MACROD1: variants seen among roughly 807,000 people sequenced by gnomAD.
The protein encoded by MACROD1 is mono-ADP ribosylhydrolase 1, also known as ADP-ribose glycohydrolase MACROD1.
MACROD1 carries 31 observed loss-of-function variants against 41.4 expected under a neutral mutation model. That is an observed-to-expected ratio of 0.75 (90% CI 0.56 to 1.01). MACROD1 has a LOEUF of 1.01. MACROD1 is among the 50% of genes least tolerant of loss of function. The probability of loss-of-function intolerance (pLI) is 0.00; values close to 1 mark genes in which losing one functional copy is unlikely to be tolerated. For synonymous variants in MACROD1, 252 were observed against 203.4 expected, an observed-to-expected ratio of 1.24 and a Z score of -2.03; for missense variants, 473 against 460.0, an observed-to-expected ratio of 1.03 and a Z score of -0.26.
intron 3 of MACROD1, among the ~76,000 whole-genome samples, chr11:64,020,472 C>T (rs1943138397): frequency 6.6e-6 from 1 of 152,142 alleles, no homozygotes; most frequent in Non-Finnish European, 1.5e-5. Flanking sequence ...AGGATAAAGA[C>T]TGGCTCCTTG....
chr11:64,011,675 G>C (rs572988953), intron 4 of MACROD1, among the ~76,000 whole-genome samples: 1 of 152,160 alleles, frequency 6.6e-6, no homozygotes, highest in Admixed American at 6.5e-5. Flanking sequence ...ACATGGAGCA[G>C]GGCAGTGCAT....
intron 3 of MACROD1, among the ~76,000 whole-genome samples, chr11:64,113,411 T>C (rs1002710697): frequency 3.2e-5 from 4 of 124,590 alleles, no homozygotes; most frequent in African/African-American, 5.2e-5. Flanking sequence ...AATGGACAGG[T>C]TGATGCATGG....
chr11:64,066,856 C>T (rs190377711), intron 3 of MACROD1, among the ~76,000 whole-genome samples: 293 of 152,282 alleles, frequency 1.9e-3, no homozygotes, highest in Middle Eastern at 6.8e-3. Flanking sequence ...AGCAGATGGC[C>T]AAGGTCAGGC....
At chr11:64,124,446 A>T (rs1945147260) in intron 3 of MACROD1, among the ~76,000 whole-genome samples, 1 of 152,186 alleles carries the variant, frequency 6.6e-6, no homozygotes, top group African/African-American at 2.4e-5. Context: ...TTCTTTTGAA[A>T]TGTTCCAAGT....
chr11:64,161,300 G>T (rs749132990), intron 1 of MACROD1, among the ~76,000 whole-genome samples: 1 of 152,130 alleles, frequency 6.6e-6, no homozygotes, highest in Non-Finnish European at 1.5e-5. Flanking sequence ...CGAACTGGCC[G>T]GATATTGAGT....
At chr11:64,054,970 C>T (rs1048322106) in intron 3 of MACROD1, among the ~76,000 whole-genome samples, 1 of 152,162 alleles carries the variant, frequency 6.6e-6, no homozygotes, top group African/African-American at 2.4e-5. Flanking sequence ...TCAGGATCTC[C>T]TACCAGCCCT....
chr11:64,043,388 G>A (rs1185443996), intron 3 of MACROD1, among the ~76,000 whole-genome samples: 1 of 152,220 alleles, frequency 6.6e-6, no homozygotes, highest in Non-Finnish European at 1.5e-5. Context: ...TGAGCCCCGA[G>A]GTCTGGGGCC....
At chr11:64,001,891 G>C (rs536728596) in intron 4 of MACROD1, 4 of 648,448 alleles carry the variant, frequency 6.2e-6, no homozygotes, top group Admixed American at 2.2e-5. Context: ...GCCAGCCACA[G>C]ATGTGTGACC....
At chr11:64,163,713 C>T (rs576870875) in intron 1 of MACROD1, among the ~76,000 whole-genome samples, 2 of 152,362 alleles carry the variant, frequency 1.3e-5, no homozygotes, top group South Asian at 4.1e-4. Flanking sequence ...GAGCTAGAAC[C>T]ACCCAGCTAA....
chr11:64,116,828 C>T lies in MACROD1; in HGVS notation c.517+34411G>A, dbSNP rs377118964. On this transcript the variant is annotated intron_variant, in intron 3 of 10. Coordinates refer to ENST00000255681, the MANE Select transcript of MACROD1 (RefSeq NM_014067.4). Reference sequence around the variant, plus strand: ...TCAAGCTGCTCTTCCTGAGCCGGAACCACCTGAGCAGCATCCCCTCGGGGC... The same window carrying T: ...TCAAGCTGCTCTTCCTGAGCCGGAATCACCTGAGCAGCATCCCCTCGGGGC... 13 of 1,613,070 alleles carry T rather than the reference C, an allele frequency of 8.1e-6. No individual in the cohort carries two copies. The African/African-American group carries it at 1.2e-4, about 15-fold the overall frequency.
At chr11:64,041,092 C>T (rs1249547850) in intron 3 of MACROD1, among the ~76,000 whole-genome samples, 1 of 150,788 alleles carries the variant, frequency 6.6e-6, no homozygotes, top group Non-Finnish European at 1.5e-5. Flanking sequence ...TTCCTGCCCG[C>T]GTCACTCTCC....
At chr11:64,131,827 A>G (rs1945270582) in intron 3 of MACROD1, among the ~76,000 whole-genome samples, 1 of 152,098 alleles carries the variant, frequency 6.6e-6, no homozygotes, top group Admixed American at 6.6e-5. Flanking sequence ...GTAAGTGTTG[A>G]GTAAATATTT....
intron 3 of MACROD1, among the ~76,000 whole-genome samples, chr11:64,088,292 C>A (rs568923162): frequency 6.6e-6 from 1 of 152,262 alleles, no homozygotes; most frequent in South Asian, 2.1e-4. Flanking sequence ...ATGGGGGGAC[C>A]TTGCGTCACT....
chr11:64,029,764 T>C (rs765568387), intron 3 of MACROD1, among the ~76,000 whole-genome samples: 1 of 152,100 alleles, frequency 6.6e-6, no homozygotes, highest in Non-Finnish European at 1.5e-5. Flanking sequence ...AGTTCACATC[T>C]CCTTCCTGAA....
At chr11:64,094,675 C>T (rs1011515356) in intron 3 of MACROD1, among the ~76,000 whole-genome samples, 2 of 152,306 alleles carry the variant, frequency 1.3e-5, no homozygotes, top group Admixed American at 1.3e-4. Flanking sequence ...CGGGCGGGAC[C>T]ATTTGTCTTT....
rs1942777347 is a variant in MACROD1, at chr11:63,999,416, G to A, written c.818-12C>T. Reference sequence around the variant, plus strand: ...CTCACAGGGGTAGCCTGAGGCGGGTGGGGCGGGAGTGAGTCCTAGGCTCTG... The same window carrying A: ...CTCACAGGGGTAGCCTGAGGCGGGTAGGGCGGGAGTGAGTCCTAGGCTCTG... On this transcript the variant is annotated splice_polypyrimidine_tract_variant and intron_variant, in intron 7 of 10. Transcript: ENST00000255681. The A allele has an allele frequency of 6.4e-7, 1 of 1,567,470 alleles. No individual in the cohort carries two copies. The highest frequency in any genetic ancestry group is 1.2e-5 in the South Asian group (1 of 86,240).
At chr11:64,035,720 T>TCCC (rs1943363086) in intron 3 of MACROD1, among the ~76,000 whole-genome samples, 1 of 34,754 alleles carries the variant, frequency 2.9e-5, no homozygotes, top group Admixed American at 1.9e-4. Flanking sequence ...CCCGTCCTCC[T>TCCC]CCCCCTCCCC....
chr11:64,041,353 C>G (rs558143898), intron 3 of MACROD1, among the ~76,000 whole-genome samples: 2 of 152,084 alleles, frequency 1.3e-5, no homozygotes, highest in East Asian at 1.9e-4. Context: ...CCCTCCACCC[C>G]CCGTGACGCC....
chr11:64,047,045 C>G (rs1186765809), intron 3 of MACROD1, among the ~76,000 whole-genome samples: 2 of 152,174 alleles, frequency 1.3e-5, no homozygotes, highest in African/African-American at 4.8e-5. Flanking sequence ...CCCAGTGCCC[C>G]CCCCGGCTAG....
Sources: allele counts gnomAD v4.1 joint callset (sites outside exome capture counted in the v4.1 genomes callset), GRCh38; gene constraint gnomAD v4.1.1; transcripts MANE v1.5; gene names NCBI Gene and HGNC (gene_info 2026-07-23, HGNC 2026-07-21).